Variants in SYNJ2BP observed in about 807,000 individuals in gnomAD.
SYNJ2BP encodes synaptojanin-2-binding protein.
Under a neutral mutation model 16.9 loss-of-function variants are expected in SYNJ2BP, and 10 were observed. The ratio of observed to expected loss-of-function variants is 0.59; its 90% CI spans 0.36 to 1.00. The LOEUF (loss-of-function observed/expected upper bound fraction) is 1.00, where lower values mean the gene tolerates loss of function less well. Among genes scored for constraint, SYNJ2BP ranks in the 50% least tolerant of loss-of-function variants. The probability of loss-of-function intolerance (pLI) is 0.01; values close to 1 mark genes in which losing one functional copy is unlikely to be tolerated. For missense variants in SYNJ2BP, 162 were observed against 186.7 expected (o/e 0.87, Z 0.77); for synonymous variants, 54 against 68.4 (o/e 0.79, Z 1.04).
intron 1 of SYNJ2BP, among the ~76,000 whole-genome samples, chr14:70,410,420 T>A (rs1888446410): frequency 1.3e-5 from 2 of 152,112 alleles, no homozygotes; most frequent in Admixed American, 1.3e-4. Context: ...TAAGACCCTA[T>A]GTCATAAATA....
At position 70,372,996 on chromosome 14, in the gene SYNJ2BP, G is replaced by T. The variant is rs1887549119; in HGVS notation, c.433C>A (p.Leu145Ile). 6.2e-7 allele frequency: 1 copy of T among 1,614,062 alleles called. No homozygotes were observed. The highest frequency in any genetic ancestry group is 1.1e-5 in the South Asian group (1 of 91,068). Residue 145 changes from leucine to isoleucine, a missense_variant, in exon 4 of 4, where the codon CTT becomes ATT. By Grantham distance (5) the Leu-to-Ile change is conservative. Coordinates refer to ENST00000256366, the MANE Select transcript of SYNJ2BP (RefSeq NM_018373.3). ...AWAFMRYRQQ[L>I] ...ATTGAAAGAGAGCAAGTTTTTCAAA[G>T]TTGTTGCCGGTATCTCATGAAAGCC...
At chr14:70,416,197 T>G (rs1311715986) in intron 1 of SYNJ2BP, among the ~76,000 whole-genome samples, 1 of 152,128 alleles carries the variant, frequency 6.6e-6, no homozygotes, top group Non-Finnish European at 1.5e-5. Context: ...GGGAAGAGGA[T>G]AGCAGTTTGG....
intron 1 of SYNJ2BP, among the ~76,000 whole-genome samples, chr14:70,404,376 T>C (rs1312403479): frequency 6.6e-6 from 1 of 152,196 alleles, no homozygotes; most frequent in Non-Finnish European, 1.5e-5. Context: ...ATAAATTAAA[T>C]GAATATAAAT....
intron 2 of SYNJ2BP, among the ~76,000 whole-genome samples, chr14:70,380,719 T>C (rs1488585984): frequency 6.6e-6 from 1 of 151,968 alleles, no homozygotes; most frequent in Admixed American, 6.6e-5. Context: ...TTAATATTAC[T>C]ATTCATTTGT....
intron 1 of SYNJ2BP, among the ~76,000 whole-genome samples, chr14:70,401,402 C>G (rs573386543): frequency 1.3e-5 from 2 of 151,812 alleles, no homozygotes; most frequent in South Asian, 4.2e-4. Flanking sequence ...TTGAGACCAG[C>G]CTGGGCAATG....
At chr14:70,398,502 G>A (rs1347099883) in intron 1 of SYNJ2BP, among the ~76,000 whole-genome samples, 1 of 152,218 alleles carries the variant, frequency 6.6e-6, no homozygotes, top group African/African-American at 2.4e-5. Flanking sequence ...CAAGGGGCTG[G>A]TGTGTCAGCA....
At position 70,416,918 on chromosome 14, in the gene SYNJ2BP, G is replaced by A. The variant is rs763656763; in HGVS notation, c.46C>T (p.Leu16Phe). The A allele has an allele frequency of 6.2e-7, 1 of 1,614,150 alleles. No individual in the cohort carries two copies. The highest frequency in any genetic ancestry group is 1.7e-5 in the Admixed American group (1 of 60,014). The part of the protein sequence containing the change: ...DYLVTEEEIN[L>F]TRGPSGLGFN... ...CACATACCTGAGGGCCCTCTGGTAA[G>A]ATTGATCTCTTCCTCAGTGACCAAA... Residue 16 changes from leucine to phenylalanine, a missense_variant, in exon 1 of 4, where the codon CTT becomes TTT. Leu to Phe is a conservative substitution (Grantham distance 22). Coordinates refer to ENST00000256366, the MANE Select transcript of SYNJ2BP (RefSeq NM_018373.3).
chr14:70,375,557 A>G, intron 3 of SYNJ2BP, 119 bp downstream of exon 3: 1 of 1,280,960 alleles, frequency 7.8e-7, no homozygotes, highest in South Asian at 1.7e-5. Context: ...TGCCTGAGAA[A>G]CTCTTCAGGG....
chr14:70,405,900 C>T lies in SYNJ2BP; in HGVS notation c.64+11000G>A, dbSNP rs573666552. Among the ~76,000 whole-genome samples the T allele has an allele frequency of 1.1e-4, 17 of 152,308 alleles. No individual in the cohort carries two copies. The South Asian group carries it at 3.5e-3, about 32-fold the overall frequency. On this transcript the variant is annotated intron_variant, in intron 1 of 3. Coordinates refer to ENST00000256366, the MANE Select transcript of SYNJ2BP (RefSeq NM_018373.3). ...TTGATTGTTTGGGAAACCAAGTCTC[C>T]TTTCTATTCAAGAGTAAAGGTCTTT...
chr14:70,373,888 T>G (rs1373505629), intron 3 of SYNJ2BP, among the ~76,000 whole-genome samples: 1 of 152,254 alleles, frequency 6.6e-6, no homozygotes, highest in Non-Finnish European at 1.5e-5. Flanking sequence ...TTGCAATAAT[T>G]ATGGCATCAT....
intron 1 of SYNJ2BP, among the ~76,000 whole-genome samples, chr14:70,407,295 G>T (rs1888366731): frequency 1.3e-5 from 2 of 152,086 alleles, no homozygotes; most frequent in Admixed American, 1.3e-4. Context: ...AGGCATAGTG[G>T]CAGGCGCCTG....
chr14:70,373,964 T>C (rs1027679882), intron 3 of SYNJ2BP, among the ~76,000 whole-genome samples: 2 of 152,236 alleles, frequency 1.3e-5, no homozygotes, highest in Non-Finnish European at 2.9e-5. Context: ...AAGGCAAGAC[T>C]GCATGAAATA....
At chr14:70,411,525 C>T (rs542681310) in intron 1 of SYNJ2BP, among the ~76,000 whole-genome samples, 5 of 152,300 alleles carry the variant, frequency 3.3e-5, no homozygotes, top group African/African-American at 1.2e-4. Context: ...TACTACTCAG[C>T]TACCTCTTCT....
At chr14:70,416,049 T>C (rs959022360) in intron 1 of SYNJ2BP, among the ~76,000 whole-genome samples, 3 of 152,198 alleles carry the variant, frequency 2.0e-5, no homozygotes, top group Non-Finnish European at 4.4e-5. Flanking sequence ...ATACAAGATT[T>C]AGACCCAGAT....
Position 70,390,659 on chromosome 14 carries a change from C to G in SYNJ2BP, c.65-2053G>C, listed in dbSNP as rs920811441. On this transcript the variant is annotated intron_variant, in intron 1 of 3. Coordinates refer to ENST00000256366, the MANE Select transcript of SYNJ2BP (RefSeq NM_018373.3). ...CTCCAGCCTGGGCGACAGAGCAAGA[C>G]TCCATCTCAAAAAAAAAAATAAAAA... Among the ~76,000 whole-genome samples, 11 of 150,296 alleles carry G rather than the reference C, an allele frequency of 7.3e-5. No homozygotes were observed. The East Asian group carries it at 2.0e-3, about 27-fold the overall frequency.
chr14:70,382,587 G>C (rs984798406), intron 2 of SYNJ2BP, among the ~76,000 whole-genome samples: 12 of 152,164 alleles, frequency 7.9e-5, no homozygotes, highest in Admixed American at 5.9e-4. Flanking sequence ...GCTGGTCCTT[G>C]AACCTCACTT....
rs1200202214 is a variant in SYNJ2BP, at chr14:70,366,909, A to C, written c.*6082T>G. 6.6e-6 allele frequency: 1 copy of C among 152,266 alleles called. No individual in the cohort carries two copies. The highest frequency in any genetic ancestry group is 1.5e-5 in the Non-Finnish European group (1 of 68,044). 9.4% of individuals were successfully genotyped at this position (152,266 alleles called of 1,614,324 possible). A position where few individuals can be genotyped will look rare whatever the true frequency, so the allele number is the denominator to read the frequency against. ...AGAAGCCCAGATTACTGCAGATAAA[A>C]GATTAAAATAGGATTCAATTATTCA... is the stretch of plus-strand genomic sequence containing the variant. On this transcript the variant is annotated 3_prime_UTR_variant, in exon 4 of 4. Coordinates refer to ENST00000256366, the MANE Select transcript of SYNJ2BP (RefSeq NM_018373.3).
chr14:70,378,714 G>C (rs1429914144), intron 2 of SYNJ2BP, among the ~76,000 whole-genome samples: 2 of 151,902 alleles, frequency 1.3e-5, no homozygotes, highest in African/African-American at 4.8e-5. Context: ...CTTTCCTATT[G>C]CCTATTTTAG....
chr14:70,402,744 T>C (rs1212279588), intron 1 of SYNJ2BP, among the ~76,000 whole-genome samples: 2 of 152,106 alleles, frequency 1.3e-5, no homozygotes, highest in African/African-American at 2.4e-5. Flanking sequence ...CCTGGTCCCA[T>C]TCATGAAAGG....
Sources: allele counts gnomAD v4.1 joint callset (sites outside exome capture counted in the v4.1 genomes callset), GRCh38; gene constraint gnomAD v4.1.1; transcripts MANE v1.5; gene names NCBI Gene and HGNC (gene_info 2026-07-23, HGNC 2026-07-21).